Variants in CADM2 observed in about 807,000 individuals in gnomAD.
CADM2 encodes immunoglobulin superfamily member 4D.
A neutral mutation model predicts 49.8 loss-of-function variants in CADM2; 12 were observed. That is an observed-to-expected ratio of 0.24 (90% CI 0.15 to 0.39). The LOEUF (loss-of-function observed/expected upper bound fraction) is 0.39, where lower values mean the gene tolerates loss of function less well. Ranked by LOEUF, CADM2 falls within the 10% of genes least tolerant of loss-of-function variation. The pLI is 1.00. For synonymous variants in CADM2, 214 were observed against 175.4 expected, an observed-to-expected ratio of 1.22 and a Z score of -1.74; for missense variants, 378 against 492.3, an observed-to-expected ratio of 0.77 and a Z score of 2.20.
intron 8 of CADM2, among the ~76,000 whole-genome samples, chr3:86,015,990 T>A (rs1256163568): frequency 6.6e-6 from 1 of 152,180 alleles, no homozygotes; most frequent in African/African-American, 2.4e-5. Flanking sequence ...AAAATCCATT[T>A]TGTATAGTTT....
chr3:85,095,380 T>G (rs1043029735), intron 1 of CADM2, among the ~76,000 whole-genome samples: 2 of 152,162 alleles, frequency 1.3e-5, no homozygotes, highest in African/African-American at 4.8e-5. Flanking sequence ...CTAGGCTGAC[T>G]CAGATGGGTC....
At chr3:85,182,274 T>C (rs576565817) in intron 1 of CADM2, among the ~76,000 whole-genome samples, 1 of 152,168 alleles carries the variant, frequency 6.6e-6, no homozygotes, top group African/African-American at 2.4e-5. Flanking sequence ...GTGGCTCACT[T>C]CTTATAGAAT....
chr3:85,671,409 A>C (rs2065731086), intron 1 of CADM2, among the ~76,000 whole-genome samples: 1 of 152,202 alleles, frequency 6.6e-6, no homozygotes, highest in Non-Finnish European at 1.5e-5. Context: ...GTTTTCCAAC[A>C]GTATATTAAT....
rs1325860624 is a variant in CADM2 at position 85,787,082 on chromosome 3, C to CA, written c.89-14958dup. ...TTACCAGAAATATTTTCTTTTCTCC[C>CA]AAAAAAATATTGCAGTTTATAAGCC... On this transcript the variant is annotated intron_variant, in intron 2 of 9. Coordinates refer to ENST00000383699, the MANE Select transcript of CADM2 (RefSeq NM_001167675.2). 7.2e-5 allele frequency among the ~76,000 whole-genome samples: 11 copies of CA among 151,740 alleles called. No homozygotes were observed. The East Asian group carries it at 1.9e-3, about 27-fold the overall frequency.
chr3:85,472,546 G>A (rs190430483), intron 1 of CADM2, among the ~76,000 whole-genome samples: 29 of 151,840 alleles, frequency 1.9e-4, no homozygotes, highest in East Asian at 5.8e-4. Context: ...ATATACTTTC[G>A]TTGAAATTAT....
intron 1 of CADM2, among the ~76,000 whole-genome samples, chr3:85,039,030 CAG>C (rs1007500445): frequency 2.7e-4 from 40 of 149,626 alleles, no homozygotes; most frequent in Non-Finnish European, 3.4e-4. Context: ...CTTATAAACA[CAG>C]AGAGAGAGAG....
chr3:85,792,480 C>G (rs1471210985), intron 2 of CADM2, among the ~76,000 whole-genome samples: 1 of 152,156 alleles, frequency 6.6e-6, no homozygotes, highest in African/African-American at 2.4e-5. Flanking sequence ...GACTTAAGTT[C>G]CTCTTAAATA....
rs72919269 is a variant in CADM2 at position 85,282,667 on chromosome 3, T to C, written c.61+322999T>C. 5.9e-3 allele frequency among the ~76,000 whole-genome samples: 900 copies of C among 152,202 alleles called. 13 individuals carry two copies. Among genetic ancestry groups the C allele is most frequent in the African/African-American group, 0.02 (837 of 41,564 alleles). ...TTTATTTAGTCCTTTCACATATTGC[T>C]GTTGCAAAGACATATATTTGGCTTA... is the stretch of plus-strand genomic sequence containing the variant. On this transcript the variant is annotated intron_variant, in intron 1 of 9. Coordinates refer to ENST00000383699, the MANE Select transcript of CADM2 (RefSeq NM_001167675.2).
intron 1 of CADM2, among the ~76,000 whole-genome samples, chr3:85,072,701 G>A (rs374304520): frequency 1.1e-4 from 17 of 151,732 alleles, no homozygotes; most frequent in African/African-American, 1.5e-4. Context: ...ACCATCTACC[G>A]TCTTTTCTTT....
chr3:85,242,028 C>A (rs2042542254), intron 1 of CADM2, among the ~76,000 whole-genome samples: 2 of 149,032 alleles, frequency 1.3e-5, no homozygotes, highest in South Asian at 4.2e-4. Flanking sequence ...CATCTTATTT[C>A]TTATAAGATT....
At chr3:85,634,937 T>C (rs1010532476) in intron 1 of CADM2, among the ~76,000 whole-genome samples, 4 of 152,084 alleles carry the variant, frequency 2.6e-5, no homozygotes, top group African/African-American at 9.7e-5. Context: ...CAATTCATTC[T>C]AATGGCTTGT....
At chr3:85,354,072 A>G (rs1160259994) in intron 1 of CADM2, among the ~76,000 whole-genome samples, 1 of 152,024 alleles carries the variant, frequency 6.6e-6, no homozygotes, top group Non-Finnish European at 1.5e-5. Context: ...TTTGTTTAAA[A>G]GAGTATGACA....
Position 85,383,025 on chromosome 3 carries a change from A to G in CADM2, c.62-343497A>G, listed in dbSNP as rs150087351. ...ACCTAACTTAGGAGTACACTACTGT[A>G]ACAATAGCTGAGTCTCAGCTAATCC... On this transcript the variant is annotated intron_variant, in intron 1 of 9. Coordinates refer to ENST00000383699, the MANE Select transcript of CADM2 (RefSeq NM_001167675.2). 7.1e-3 allele frequency among the ~76,000 whole-genome samples: 1,078 copies of G among 152,274 alleles called. 6 individuals carry two copies. The highest frequency in any genetic ancestry group is 0.012 in the Non-Finnish European group (819 of 68,030).
At chr3:85,871,856 G>A (rs2075943093) in intron 3 of CADM2, among the ~76,000 whole-genome samples, 1 of 152,086 alleles carries the variant, frequency 6.6e-6, no homozygotes, top group South Asian at 2.1e-4. Flanking sequence ...TTTTTAAATG[G>A]CATTTTCTTT....
chr3:85,341,158 C>T (rs545082426), intron 1 of CADM2, among the ~76,000 whole-genome samples: 26 of 151,264 alleles, frequency 1.7e-4, no homozygotes, highest in East Asian at 3.9e-4. Flanking sequence ...ATCAAGCATA[C>T]GGAATATAAA....
chr3:85,975,164 A>AAAACCATCAAT (rs1726623982), intron 8 of CADM2, among the ~76,000 whole-genome samples: 1 of 151,518 alleles, frequency 6.6e-6, no homozygotes, highest in South Asian at 2.1e-4. Context: ...TTCATTTCAT[A>AAAACCATCAAT]TCCTATCTAA....
rs553210908 is a variant in CADM2, at chr3:85,572,068, C to T, written c.62-154454C>T. Reference sequence around the variant, plus strand: ...TCCTAGCAGTTTAGGAGGCCGAGGCCGGTGGATCACATGAGGTCAGGAAGT... The same window carrying T: ...TCCTAGCAGTTTAGGAGGCCGAGGCTGGTGGATCACATGAGGTCAGGAAGT... On this transcript the variant is annotated intron_variant, in intron 1 of 9. Transcript: ENST00000383699. 3.9e-5 allele frequency among the ~76,000 whole-genome samples: 6 copies of T among 152,086 alleles called. No homozygotes were observed. In the East Asian group the frequency reaches 5.8e-4, roughly 15 times the overall value.
chr3:85,170,829 G>C (rs1353682415), intron 1 of CADM2, among the ~76,000 whole-genome samples: 1 of 152,122 alleles, frequency 6.6e-6, no homozygotes. Flanking sequence ...TCTTGGTTAA[G>C]TTCCTATATA....
intron 1 of CADM2, among the ~76,000 whole-genome samples, chr3:85,091,784 T>A (rs1575843877): frequency 6.6e-6 from 1 of 152,288 alleles, no homozygotes; most frequent in East Asian, 1.9e-4. Flanking sequence ...TGTCTCTGTC[T>A]TGTAGAAAGC....
Sources: gnomAD v4.1 joint callset for allele counts (sites outside exome capture counted in the v4.1 genomes callset) on GRCh38, gnomAD v4.1.1 for gene constraint, MANE v1.5 for transcripts, NCBI Gene and HGNC (gene_info 2026-07-23, HGNC 2026-07-21) for gene names.